ERC1: variants seen among roughly 807,000 people sequenced by gnomAD.
The protein encoded by ERC1 is ELKS/RAB6-interacting/CAST family member 1, also known as RAB6 interacting protein 2.
ERC1 carries 56 observed loss-of-function variants against 132.0 expected under a neutral mutation model. That is an observed-to-expected ratio of 0.42 (90% CI 0.34 to 0.53). ERC1 has a LOEUF of 0.53. Among genes scored for constraint, ERC1 ranks in the 20% least tolerant of loss-of-function variants. The probability of loss-of-function intolerance (pLI) is 0.03; values close to 1 mark genes in which losing one functional copy is unlikely to be tolerated. For synonymous variants in ERC1, 478 were observed against 476.1 expected (o/e 1.00, Z -0.05); for missense variants, 1,202 against 1,349.9 (o/e 0.89, Z 1.72).
At chr12:1,217,712 C>CT (rs1372758611) in intron 12 of ERC1, among the ~76,000 whole-genome samples, 12 of 152,212 alleles carry the variant, frequency 7.9e-5, no homozygotes, top group East Asian at 1.9e-4. Flanking sequence ...CAACCTACTA[C>CT]TTTTTTTTGT....
intron 12 of ERC1, among the ~76,000 whole-genome samples, chr12:1,229,375 C>T (rs1039905981): frequency 2.0e-5 from 3 of 152,098 alleles, no homozygotes; most frequent in African/African-American, 7.2e-5. Context: ...GCGGTGCATG[C>T]CTGTGGTTGC....
At chr12:1,319,818 AT>A (rs1158991113) in intron 15 of ERC1, among the ~76,000 whole-genome samples, 7 of 152,066 alleles carry the variant, frequency 4.6e-5, no homozygotes, top group African/African-American at 1.4e-4. Flanking sequence ...TAAATTCTGT[AT>A]TTTTTTCCCT....
chr12:1,413,924 TTC>T (rs1250641168), intron 17 of ERC1, among the ~76,000 whole-genome samples: 2 of 152,228 alleles, frequency 1.3e-5, no homozygotes, highest in Non-Finnish European at 2.9e-5. Context: ...AAGACAGTTT[TTC>T]CACAACGGGG....
chr12:1,064,980 T>C (rs1015779775), intron 2 of ERC1, among the ~76,000 whole-genome samples: 1 of 152,126 alleles, frequency 6.6e-6, no homozygotes, highest in Non-Finnish European at 1.5e-5. Flanking sequence ...CTCTTCTTTT[T>C]CTTCTGAGTT....
intron 2 of ERC1, among the ~76,000 whole-genome samples, chr12:1,036,516 A>G (rs1429768793): frequency 6.6e-6 from 1 of 152,012 alleles, no homozygotes; most frequent in Non-Finnish European, 1.5e-5. Context: ...CTGGAACTGC[A>G]GGTGCACGCC....
intron 15 of ERC1, among the ~76,000 whole-genome samples, chr12:1,306,182 G>A (rs1168650516): frequency 6.6e-6 from 1 of 152,166 alleles, no homozygotes; most frequent in Admixed American, 6.5e-5. Context: ...TCTACCTCAT[G>A]ATAAACACCT....
chr12:993,381 T>C (rs1467009127), intron 1 of ERC1, among the ~76,000 whole-genome samples: 1 of 152,256 alleles, frequency 6.6e-6, no homozygotes, highest in East Asian at 1.9e-4. Flanking sequence ...CTTGTAGGAA[T>C]GAAATCACAT....
At chr12:1,003,451 T>C (rs978356465) in intron 1 of ERC1, among the ~76,000 whole-genome samples, 14 of 152,248 alleles carry the variant, frequency 9.2e-5, no homozygotes, top group African/African-American at 1.9e-4. Flanking sequence ...TCAAGCCTTA[T>C]AATAATTTTA....
intron 15 of ERC1, among the ~76,000 whole-genome samples, chr12:1,313,836 C>T (rs2081495678): frequency 6.6e-6 from 1 of 151,830 alleles, no homozygotes; most frequent in African/African-American, 2.4e-5. Context: ...ATACAAAAAT[C>T]AGCCGGGCAT....
At chr12:1,204,420 A>G in intron 12 of ERC1, 1 of 1,202,226 alleles carries the variant, frequency 8.3e-7, no homozygotes, top group Non-Finnish European at 1.2e-6. Context: ...GTCCATGAAT[A>G]ATATTTCTGA....
chr12:1,480,703 G>A (rs1340145072), intron 18 of ERC1: 3 of 512,942 alleles, frequency 5.8e-6, no homozygotes, highest in African/African-American at 6.0e-5. Context: ...GGCCTGCCTT[G>A]AGGAGGTGAG....
intron 17 of ERC1, among the ~76,000 whole-genome samples, chr12:1,440,323 G>A (rs1049576996): frequency 6.9e-6 from 1 of 145,134 alleles, no homozygotes; most frequent in Non-Finnish European, 1.5e-5. Context: ...TCCTGCCTCA[G>A]CCTCCCGAGT....
intron 4 of ERC1, among the ~76,000 whole-genome samples, chr12:1,107,484 C>A (rs1000674117): frequency 2.6e-5 from 4 of 152,088 alleles, no homozygotes; most frequent in African/African-American, 9.7e-5. Context: ...AGGAAATAAT[C>A]AGAGTGAGGG....
At position 1,438,952 on chromosome 12, in the gene ERC1, A is replaced by ATATATAT. The variant is rs1555093159; in HGVS notation, c.3025-5610_3025-5609insTATATAT. Among the ~76,000 whole-genome samples the ATATATAT allele has an allele frequency of 4.4e-4, 51 of 114,958 alleles. 1 individual carries two copies. The highest frequency in any genetic ancestry group is 2.0e-3 in the African/African-American group (49 of 24,184). 75.4% of individuals were successfully genotyped at this position (114,958 alleles called of 152,430 possible). On this transcript the variant is annotated intron_variant, in intron 17 of 18. Coordinates refer to ENST00000360905, the MANE Select transcript of ERC1 (RefSeq NM_178040.4). The stretch of plus-strand genomic sequence containing the variant: ...GCGAGACCTTGTCTCAATTTAAAAA[A>ATATATAT]AAATATATATATATATATAAAAAAT...
intron 2 of ERC1, among the ~76,000 whole-genome samples, chr12:1,037,942 G>T (rs565330476): frequency 6.6e-6 from 1 of 151,850 alleles, no homozygotes; most frequent in Non-Finnish European, 1.5e-5. Context: ...TACTCGGGAG[G>T]CTGAGGCAGG....
chr12:1,486,329 AGAT>A (rs1184464217), intron 18 of ERC1, among the ~76,000 whole-genome samples: 2 of 152,318 alleles, frequency 1.3e-5, no homozygotes, highest in East Asian at 3.9e-4. Context: ...GGTTATCTCT[AGAT>A]GATGGTAATA....
chr12:1,181,798 A>T, intron 9 of ERC1, 127 bp from the exon 10 acceptor site: 2 of 1,013,282 alleles, frequency 2.0e-6, no homozygotes, highest in Non-Finnish European at 2.8e-6. Context: ...AAAAAAAAAA[A>T]GTGGATTCTT....
intron 18 of ERC1, among the ~76,000 whole-genome samples, chr12:1,458,680 A>G (rs1234047058): frequency 2.0e-5 from 3 of 152,098 alleles, no homozygotes; most frequent in East Asian, 3.9e-4. Flanking sequence ...ATCGGATTAC[A>G]GGCATGCGCC....
At chr12:1,273,506 C>T (rs1177182613) in intron 14 of ERC1, among the ~76,000 whole-genome samples, 4 of 152,186 alleles carry the variant, frequency 2.6e-5, no homozygotes, top group South Asian at 2.1e-4. Context: ...GTCTTTATAG[C>T]AGCACTGTCA....
Sources: allele counts gnomAD v4.1 joint callset (sites outside exome capture counted in the v4.1 genomes callset), GRCh38; gene constraint gnomAD v4.1.1; transcripts MANE v1.5; gene names NCBI Gene and HGNC (gene_info 2026-07-23, HGNC 2026-07-21).